The following UBE2E2 variants were observed in gnomAD, a reference collection of about 807,000 sequenced individuals.
UBE2E2 encodes the protein ubiquitin-conjugating enzyme E2 E2.
A neutral mutation model predicts 24.7 loss-of-function variants in UBE2E2; 6 were observed. That is an observed-to-expected ratio of 0.24 (90% confidence interval 0.13 to 0.48). The LOEUF is 0.48. Among genes scored for constraint, UBE2E2 ranks in the 20% least tolerant of loss-of-function variants. The pLI is 0.99. For synonymous variants in UBE2E2, 104 were observed against 83.6 expected (o/e 1.24, Z -1.33); for missense variants, 169 against 245.0 (o/e 0.69, Z 2.07).
At chr3:23,310,460 A>G (rs1449026400) in intron 3 of UBE2E2, among the ~76,000 whole-genome samples, 1 of 152,196 alleles carries the variant, frequency 6.6e-6, no homozygotes, top group Non-Finnish European at 1.5e-5. Flanking sequence ...AGACTGAAAT[A>G]GAGAGGGAAA....
intron 3 of UBE2E2, among the ~76,000 whole-genome samples, chr3:23,419,494 A>G (rs1223146218): frequency 1.3e-5 from 2 of 152,200 alleles, no homozygotes; most frequent in East Asian, 3.9e-4. Context: ...GGAAGCCACA[A>G]AGGACTTCAA....
intron 3 of UBE2E2, among the ~76,000 whole-genome samples, chr3:23,294,779 A>G (rs1043158069): frequency 2.7e-5 from 4 of 149,390 alleles, no homozygotes; most frequent in Admixed American, 2.0e-4. Context: ...TTTATTAGAT[A>G]TTTTTGTATC....
chr3:23,203,256 G>C (rs1349768624), upstream of UBE2E2: 36 of 988,552 alleles, frequency 3.6e-5, no homozygotes, highest in Non-Finnish European at 4.0e-5. Context: ...CAGCGGCGGC[G>C]CTGAGGGTGA....
At chr3:23,563,566 G>A (rs1695989152) in intron 5 of UBE2E2, among the ~76,000 whole-genome samples, 3 of 152,152 alleles carry the variant, frequency 2.0e-5, no homozygotes, top group Admixed American at 1.3e-4. Context: ...GGAGAGTTCT[G>A]TAGATGTCTA....
intron 5 of UBE2E2, among the ~76,000 whole-genome samples, chr3:23,562,666 C>G (rs1400287605): frequency 2.0e-5 from 3 of 152,146 alleles, no homozygotes; most frequent in Non-Finnish European, 4.4e-5. Context: ...CCTTGTACCT[C>G]TGGTAGAATT....
chr3:23,264,428 T>G (rs1014230563), intron 3 of UBE2E2, among the ~76,000 whole-genome samples: 1 of 151,738 alleles, frequency 6.6e-6, no homozygotes, highest in Non-Finnish European at 1.5e-5. Flanking sequence ...TAAAACCTAT[T>G]TCTTAGGAAT....
chr3:23,511,172 A>T (rs1694585484), intron 4 of UBE2E2, among the ~76,000 whole-genome samples: 1 of 152,194 alleles, frequency 6.6e-6, no homozygotes, highest in Non-Finnish European at 1.5e-5. Context: ...GTAAAGGGCT[A>T]CCCTTTGTAT....
At chr3:23,428,928 T>TAAAAAAAAAAAAAAAAAAAAAAAAAAAAA in intron 3 of UBE2E2, among the ~76,000 whole-genome samples, 1 of 75,904 alleles carries the variant, frequency 1.3e-5, no homozygotes, top group Non-Finnish European at 2.4e-5. Context: ...CTCTGTCTCT[T>TAAAAAAAAAAAAAAAAAAAAAAAAAAAAA]AAAAAAAAAA....
chr3:23,504,899 TCAGACA>T lies in UBE2E2; in HGVS notation c.360+5160_360+5165del, dbSNP rs1407834502. On this transcript the variant is annotated intron_variant, in intron 4 of 5. Coordinates refer to ENST00000396703, the MANE Select transcript of UBE2E2 (RefSeq NM_152653.4). Reference sequence around the variant, plus strand: ...ACACTCTGTGTCTAATGTTTCTGTTTCAGACATTCTTTCTTTTTTTTTTTTTTGAGA... The same window carrying T: ...ACACTCTGTGTCTAATGTTTCTGTTTTTCTTTCTTTTTTTTTTTTTTGAGA... Among the ~76,000 whole-genome samples, 5 of 149,994 alleles carry T rather than the reference TCAGACA, an allele frequency of 3.3e-5. No individual in the cohort carries two copies. In the East Asian group the frequency reaches 9.8e-4, roughly 29 times the overall value.
intron 3 of UBE2E2, among the ~76,000 whole-genome samples, chr3:23,405,718 C>T (rs1697339816): frequency 6.6e-6 from 1 of 152,054 alleles, no homozygotes; most frequent in African/African-American, 2.4e-5. Flanking sequence ...ATGGCAAGTT[C>T]ATTTACCACA....
At chr3:23,388,682 TA>T (rs199789522) in intron 3 of UBE2E2, among the ~76,000 whole-genome samples, 6 of 151,926 alleles carry the variant, frequency 3.9e-5, no homozygotes, top group East Asian at 3.9e-4. Context: ...TAGTATTTTT[TA>T]AAAAAAATAT....
intron 3 of UBE2E2, among the ~76,000 whole-genome samples, chr3:23,327,484 T>C (rs1694933819): frequency 6.6e-6 from 1 of 152,214 alleles, no homozygotes; most frequent in Admixed American, 6.5e-5. Context: ...CCTCTCACCA[T>C]CATCTACTCT....
At chr3:23,281,518 T>TTAC (rs1333618312) in intron 3 of UBE2E2, among the ~76,000 whole-genome samples, 11 of 152,284 alleles carry the variant, frequency 7.2e-5, no homozygotes. Flanking sequence ...GTGCCTGTAG[T>TTAC]CCCAACTATT....
At position 23,590,244 on chromosome 3, in the gene UBE2E2, G is replaced by T; in HGVS notation, c.*413G>T. The T allele has an allele frequency of 6.2e-6, 1 of 160,008 alleles. No individual in the cohort carries two copies. The highest frequency in any genetic ancestry group is 1.4e-5 in the Non-Finnish European group (1 of 72,894). 9.9% of individuals were successfully genotyped at this position (160,008 alleles called of 1,614,324 possible). A position where few individuals can be genotyped will look rare whatever the true frequency, so the allele number is the denominator to read the frequency against. ...TTTTTTTTCTTTTATGTGATCTTTG[G>T]GAAAACACATTCAGAATTATATCTC... is the stretch of plus-strand genomic sequence containing the variant. On this transcript the variant is annotated 3_prime_UTR_variant, in exon 6 of 6. Coordinates refer to ENST00000396703, the MANE Select transcript of UBE2E2 (RefSeq NM_152653.4).
chr3:23,225,036 C>CTGGTGGA (rs1553632214), intron 3 of UBE2E2, among the ~76,000 whole-genome samples: 1 of 150,242 alleles, frequency 6.7e-6, no homozygotes, highest in Non-Finnish European at 1.5e-5. Flanking sequence ...TTGCATTATT[C>CTGGTGGA]TGATGGATGA....
At chr3:23,547,563 A>G (rs550279626) in intron 5 of UBE2E2, among the ~76,000 whole-genome samples, 1 of 152,308 alleles carries the variant, frequency 6.6e-6, no homozygotes, top group South Asian at 2.1e-4. Context: ...GAGTCATTCT[A>G]GTGAAATTTA....
intron 5 of UBE2E2, among the ~76,000 whole-genome samples, chr3:23,552,077 CCAT>C (rs1695657692): frequency 6.6e-6 from 1 of 152,162 alleles, no homozygotes; most frequent in Non-Finnish European, 1.5e-5. Context: ...TCAGCCAGCA[CCAT>C]GATCTTTGAG....
chr3:23,413,871 A>G (rs1697556777), intron 3 of UBE2E2, among the ~76,000 whole-genome samples: 1 of 152,184 alleles, frequency 6.6e-6, no homozygotes, highest in African/African-American at 2.4e-5. Flanking sequence ...TCATTCCACT[A>G]CGTAACTAGC....
intron 3 of UBE2E2, among the ~76,000 whole-genome samples, chr3:23,418,829 T>C (rs1697718673): frequency 6.6e-6 from 1 of 152,242 alleles, no homozygotes; most frequent in Non-Finnish European, 1.5e-5. Context: ...TTTAGTGGTA[T>C]TTAAGTTATG....
Sources: gnomAD v4.1 joint callset for allele counts (sites outside exome capture counted in the v4.1 genomes callset) on GRCh38, gnomAD v4.1.1 for gene constraint, MANE v1.5 for transcripts, NCBI Gene and HGNC (gene_info 2026-07-23, HGNC 2026-07-21) for gene names.